The following SLC26A1 variants were observed in gnomAD, a reference collection of about 807,000 sequenced individuals.
The protein encoded by SLC26A1 is sulfate anion transporter 1.
SLC26A1 carries 18 observed loss-of-function variants against 14.5 expected under a neutral mutation model. The observed-to-expected ratio is 1.24, with a 90% CI of 0.86 to 1.84. SLC26A1 has a LOEUF of 1.84. Ranked by LOEUF, SLC26A1 falls within the 40% of genes most tolerant of loss-of-function variation. The probability of loss-of-function intolerance (pLI) is 0.00; values close to 1 mark genes in which losing one functional copy is unlikely to be tolerated. For missense variants in SLC26A1, 1,049 were observed against 1,020.0 expected, an observed-to-expected ratio of 1.03 and a Z score of -0.39; for synonymous variants, 505 against 492.0, an observed-to-expected ratio of 1.03 and a Z score of -0.35.
intron 1 of SLC26A1, among the ~76,000 whole-genome samples, chr4:992,552 C>G (rs967187973): frequency 2.6e-5 from 4 of 152,180 alleles, no homozygotes; most frequent in East Asian, 1.9e-4. Flanking sequence ...GGGTGACTGG[C>G]GTCTGTCTCC....
chr4:986,782 C>T, downstream of SLC26A1: 1 of 549,656 alleles, frequency 1.8e-6, no homozygotes, highest in Non-Finnish European at 3.5e-6. Flanking sequence ...CAGAGAAAAA[C>T]AAGACAGTAA....
downstream of SLC26A1, chr4:986,829 C>A (rs1344287905): frequency 6.3e-6 from 4 of 631,096 alleles, no homozygotes; most frequent in Middle Eastern, 2.5e-4. Flanking sequence ...GCGAAGCGTT[C>A]TTCTGAGCGC....
Position 987,804 on chromosome 4 carries a change from C to T in SLC26A1, c.*1029G>A. ...GGGACTGAGCCGCCCCTTTGTTGTC[C>T]CCAGCCCCCCGCTGCCACACAGCCA... is the stretch of plus-strand genomic sequence containing the variant. On this transcript the variant is annotated 3_prime_UTR_variant, in exon 3 of 3. Coordinates refer to ENST00000398516, the MANE Select transcript of SLC26A1 (RefSeq NM_022042.4). 1 of 1,612,190 alleles carries T rather than the reference C, an allele frequency of 6.2e-7. No homozygotes were observed. The highest frequency in any genetic ancestry group is 8.5e-7 in the Non-Finnish European group (1 of 1,179,820).
chr4:981,742 C>T (rs1450382732), intron 2 of SLC26A1, among the ~76,000 whole-genome samples: 3 of 152,238 alleles, frequency 2.0e-5, no homozygotes, highest in Non-Finnish European at 2.9e-5. Context: ...GTCTCTCAGC[C>T]ACTCCTGACA....
rs1304699223 is a variant in SLC26A1, at chr4:988,054, C to T, written c.*779G>A. The stretch of plus-strand genomic sequence containing the variant: ...GAAGACCCCTTGTTCCCCCACCTCC[C>T]GCCGAAGCACCCTGTTGGGGAGAGC... On this transcript the variant is annotated 3_prime_UTR_variant, in exon 3 of 3. Coordinates refer to ENST00000398516, the MANE Select transcript of SLC26A1 (RefSeq NM_022042.4). 20 of 1,475,092 alleles carry T rather than the reference C, an allele frequency of 1.4e-5. No individual in the cohort carries two copies. The highest frequency in any genetic ancestry group is 1.3e-4 in the Admixed American group (6 of 46,384). 91.4% of individuals were successfully genotyped at this position (1,475,092 alleles called of 1,614,324 possible). A position where few individuals can be genotyped will look rare whatever the true frequency, so the allele number is the denominator to read the frequency against.
rs1435786055 is a variant in SLC26A1 at position 989,140 on chromosome 4, G to A, written c.1799C>T (p.Ala600Val). 1.4e-5 allele frequency: 23 copies of A among 1,607,934 alleles called. No homozygotes were observed. Among genetic ancestry groups the A allele is most frequent in the South Asian group, 2.2e-5 (2 of 90,570 alleles). Reference sequence around the variant, plus strand: ...GCCGGCCGCTGCGGGCACCAGCGCAGCCCTGGTGCTAACCGGGCCCAGGTC... The same window carrying A: ...GCCGGCCGCTGCGGGCACCAGCGCAACCCTGGTGCTAACCGGGCCCAGGTC... ...GEDLGPVSTR[A>V]ALVPAAAGFH... The change falls in exon 3 of 3, where the codon GCT becomes GTT. Residue 600 changes from alanine (A) to valine (V), a missense_variant. Physicochemically the swap from Ala to Val is moderately conservative, Grantham distance 64. Transcript: ENST00000398516.
chr4:981,811 G>A (rs527778188), intron 2 of SLC26A1, among the ~76,000 whole-genome samples: 5 of 152,144 alleles, frequency 3.3e-5, no homozygotes, highest in South Asian at 2.1e-4. Flanking sequence ...GCCTTGTGCC[G>A]TCCACTCTTT....
chr4:987,669 A>G lies in SLC26A1; in HGVS notation c.*1164T>C, dbSNP rs1400291604. 1 of 1,486,194 alleles carries G rather than the reference A, an allele frequency of 6.7e-7. No individual in the cohort carries two copies. The highest frequency in any genetic ancestry group is 2.5e-5 in the East Asian group (1 of 40,174). The allele number at this position is 1,486,194 out of a possible 1,614,324, so 92.1% of individuals were successfully genotyped here. A position where few individuals can be genotyped will look rare whatever the true frequency, so the allele number is the denominator to read the frequency against. ...GGACCTCCCCACATTCCTGGCCCTA[A>G]GGGTCATTTTATTAGTCACTGAACG... On this transcript the variant is annotated 3_prime_UTR_variant, in exon 3 of 3. Transcript: ENST00000398516.
intron 2 of SLC26A1, chr4:990,584 C>T (rs1714209437): frequency 1.5e-5 from 9 of 588,296 alleles, no homozygotes; most frequent in South Asian, 4.1e-5. Flanking sequence ...GAGCATCACA[C>T]GTGCACACAG....
In SLC26A1 at chr4:990,371, G is replaced by A. The variant is rs754363446; in HGVS notation, c.577-9C>T. 6.8e-5 allele frequency: 108 copies of A among 1,585,428 alleles called. No individual in the cohort carries two copies. The East Asian group carries it at 8.0e-4, about 12-fold the overall frequency. On this transcript the variant is annotated splice_polypyrimidine_tract_variant and intron_variant, in intron 2 of 2. Coordinates refer to ENST00000398516, the MANE Select transcript of SLC26A1 (RefSeq NM_022042.4). Reference sequence around the variant, plus strand: ...AGGACGCCCATGAGGACCTGTGGACGGAGTGCGGTCAGGCCAGCAGGCGCC... The same window carrying A: ...AGGACGCCCATGAGGACCTGTGGACAGAGTGCGGTCAGGCCAGCAGGCGCC...
rs755825512 is a variant in SLC26A1, at chr4:989,377, A to G, written c.1562T>C (p.Phe521Ser). 90 of 1,580,614 alleles carry G rather than the reference A, an allele frequency of 5.7e-5. No individual in the cohort carries two copies. The highest frequency in any genetic ancestry group is 7.6e-5 in the Non-Finnish European group (88 of 1,163,774). ...CTCGAACTCTGTGGCATCCTCGTAG[A>G]AGGCCGTGTCCCCGATGCGGGCCAG... The part of the protein sequence containing the change: ...ALLARIGDTA[F>S]YEDATEFEGL... Residue 521 changes from phenylalanine to serine, a missense_variant, in exon 3 of 3, where the codon TTC (phenylalanine) becomes TCC (serine). Phe to Ser is a radical substitution (Grantham distance 155, BLOSUM62 -2). Coordinates refer to ENST00000398516, the MANE Select transcript of SLC26A1 (RefSeq NM_022042.4).
At chr4:979,237 T>G (rs945504654) in exon 3 of SLC26A1, 2 of 575,610 alleles carry the variant, frequency 3.5e-6, no homozygotes, top group Admixed American at 3.1e-5. Flanking sequence ...GGAGGACGCT[T>G]GCTCAGGCTT....
At chr4:983,634 G>A (rs560239016), downstream of SLC26A1, among the ~76,000 whole-genome samples, 8 of 152,284 alleles carry the variant, frequency 5.3e-5, no homozygotes, top group Non-Finnish European at 8.8e-5. Flanking sequence ...TTTCCCCTGC[G>A]CCTTTAGGTC....
chr4:987,091 C>A (rs761444907), downstream of SLC26A1: 1 of 1,471,832 alleles, frequency 6.8e-7, no homozygotes, highest in South Asian at 1.3e-5. Context: ...GGCCATGCGT[C>A]CCCTGCGCCC....
At chr4:987,012 C>T (rs1713766396), downstream of SLC26A1, 1 of 1,425,106 alleles carries the variant, frequency 7.0e-7, no homozygotes, top group Non-Finnish European at 9.3e-7. Flanking sequence ...ATGGGGTGCG[C>T]GCCCAGACTC....
Position 988,360 on chromosome 4 carries a change from G to T in SLC26A1, c.*473C>A, listed in dbSNP as rs1182452093. 5 of 1,075,732 alleles carry T rather than the reference G, an allele frequency of 4.6e-6. No individual in the cohort carries two copies. The highest frequency in any genetic ancestry group is 5.6e-6 in the Non-Finnish European group (5 of 886,616). 66.6% of individuals were successfully genotyped at this position (1,075,732 alleles called of 1,614,324 possible). On this transcript the variant is annotated 3_prime_UTR_variant, in exon 3 of 3. Coordinates refer to ENST00000398516, the MANE Select transcript of SLC26A1 (RefSeq NM_022042.4). ...GAGGGGGAGGCACGAGGTGTGAGGG[G>T]CACTTGGGTGTGTGGGGCCTTCTGG... is the stretch of plus-strand genomic sequence containing the variant.
chr4:992,134 C>T lies in SLC26A1; in HGVS notation c.-27-404G>A, dbSNP rs185927467. The T allele has an allele frequency of 6.4e-5, 31 of 482,364 alleles. 1 individual carries two copies. In the East Asian group the frequency reaches 6.7e-4, roughly 10 times the overall value. The allele number at this position is 482,364 out of a possible 1,614,324, so 29.9% of individuals were successfully genotyped here. A position where few individuals can be genotyped will look rare whatever the true frequency, so the allele number is the denominator to read the frequency against. ...GCAGGAACAGGCTGGGCTGCCACCA[C>T]GCACATGTGCCTACCGTCAGAATGT... On this transcript the variant is annotated intron_variant, in intron 1 of 2. Transcript: ENST00000398516.
chr4:991,469 T>C lies in SLC26A1; in HGVS notation c.235A>G (p.Ile79Val), dbSNP rs751582117. 12 of 1,612,484 alleles carry C rather than the reference T, an allele frequency of 7.4e-6. No individual in the cohort carries two copies. Among genetic ancestry groups the C allele is most frequent in the Non-Finnish European group, 1.0e-5 (12 of 1,179,692 alleles). Residue 79 changes from isoleucine (I) to valine (V), a missense_variant, in exon 2 of 3, where the codon ATC (isoleucine) becomes GTC (valine). Coordinates refer to ENST00000398516, the MANE Select transcript of SLC26A1 (RefSeq NM_022042.4). ...GCCTGCGGCACCAGGATGATGCCGA[T>C]GACCAGCCCAGACATGACGTCGCCT... is the stretch of plus-strand genomic sequence containing the variant. ...LAGDVMSGLV[I>V]GIILVPQAIA...
Position 991,668 on chromosome 4 carries a change from T to C in SLC26A1, c.36A>G (p.Arg12=). Residue 12 remains arginine, a synonymous_variant, in exon 2 of 3, where the codon AGA becomes AGG. Coordinates refer to ENST00000398516, the MANE Select transcript of SLC26A1 (RefSeq NM_022042.4). Reference sequence around the variant, plus strand: ...GCTGCCGTCGGACCGGCACCGGCCCTCTGCCCTGCTGCAGAGGCTCAGGGG... The same window carrying C: ...GCTGCCGTCGGACCGGCACCGGCCCCCTGCCCTGCTGCAGAGGCTCAGGGG... The part of the protein sequence containing the change: ...DESPEPLQQG[R]GPVPVRRQRP... 1.3e-6 allele frequency: 2 copies of C among 1,539,044 alleles called. No homozygotes were observed. Among genetic ancestry groups the C allele is most frequent in the Non-Finnish European group, 1.7e-6 (2 of 1,149,304 alleles).
Sources: gnomAD v4.1 joint callset for allele counts (sites outside exome capture counted in the v4.1 genomes callset) on GRCh38, gnomAD v4.1.1 for gene constraint, MANE v1.5 for transcripts, NCBI Gene and HGNC (gene_info 2026-07-23, HGNC 2026-07-21) for gene names.